Variants in RAB38 observed in about 807,000 individuals in gnomAD.
The protein encoded by RAB38 is ras-related protein Rab-38.
In RAB38, 15 loss-of-function variants were observed where a neutral mutation model predicts 18.4. That is an observed-to-expected ratio of 0.82 (90% CI 0.55 to 1.26). The LOEUF is 1.26. RAB38 is among the 50% of genes most tolerant of loss of function. The pLI, the probability that RAB38 is intolerant of heterozygous loss-of-function variation, is 0.00. For missense variants in RAB38, 294 were observed against 267.4 expected (o/e 1.10, Z -0.69); for synonymous variants, 101 against 104.4 (o/e 0.97, Z 0.20).
At chr11:87,826,309 T>G in the RAB38 span, among the ~76,000 whole-genome samples, 1 of 152,254 alleles carries the variant, frequency 6.6e-6, no homozygotes, top group East Asian at 1.9e-4. Flanking sequence ...TATTTTAGAT[T>G]ATAAGATTAT....
chr11:88,082,651 T>C, the RAB38 span, among the ~76,000 whole-genome samples: 1 of 151,902 alleles, frequency 6.6e-6, no homozygotes, highest in Admixed American at 6.6e-5. Flanking sequence ...CACATCTCCA[T>C]TCATCAGAAA....
At chr11:88,129,927 G>C (rs1942746362) in intron 2 of RAB38, among the ~76,000 whole-genome samples, 1 of 151,276 alleles carries the variant, frequency 6.6e-6, no homozygotes, top group East Asian at 2.0e-4. Context: ...CATATTCAAA[G>C]GTGTGGAACA....
chr11:88,140,716 C>T (rs1386585685), intron 2 of RAB38, among the ~76,000 whole-genome samples: 2 of 152,044 alleles, frequency 1.3e-5, no homozygotes, highest in Non-Finnish European at 2.9e-5. Context: ...CAGTTTAACA[C>T]AACCATGGAA....
the RAB38 span, chr11:87,815,597 G>A: frequency 6.6e-6 from 1 of 152,198 alleles, no homozygotes; most frequent in Admixed American, 6.5e-5. Flanking sequence ...TGATGATGAA[G>A]GGTAAAATGA....
chr11:87,832,730 C>T, the RAB38 span, among the ~76,000 whole-genome samples: 2 of 152,064 alleles, frequency 1.3e-5, no homozygotes, highest in Admixed American at 6.6e-5. Flanking sequence ...GGAGAGTGTA[C>T]TCTCCTTTTA....
the RAB38 span, among the ~76,000 whole-genome samples, chr11:87,948,881 T>A: frequency 6.6e-6 from 1 of 151,678 alleles, no homozygotes; most frequent in Non-Finnish European, 1.5e-5. Flanking sequence ...CCGGCTTTGG[T>A]ATCAGGATGA....
intron 1 of RAB38, among the ~76,000 whole-genome samples, chr11:88,162,600 T>C (rs1943199232): frequency 7.0e-6 from 1 of 143,708 alleles, no homozygotes; most frequent in African/African-American, 2.6e-5. Context: ...TCTCATTCAT[T>C]CATTTAACAA....
At chr11:88,116,402 G>A (rs1445009207) in intron 2 of RAB38, among the ~76,000 whole-genome samples, 2 of 152,184 alleles carry the variant, frequency 1.3e-5, no homozygotes, top group Non-Finnish European at 1.5e-5. Flanking sequence ...TTTGGCTATT[G>A]TTTGTGTGTT....
the RAB38 span, among the ~76,000 whole-genome samples, chr11:87,965,676 G>T: frequency 1.3e-5 from 2 of 152,142 alleles, no homozygotes; most frequent in African/African-American, 2.4e-5. Flanking sequence ...GTGGTTTGGG[G>T]CAAAACACAT....
chr11:87,910,386 A>G, the RAB38 span, among the ~76,000 whole-genome samples: 6 of 151,230 alleles, frequency 4.0e-5, no homozygotes, highest in African/African-American at 7.4e-5. Context: ...ATATGACTTG[A>G]AAATAGTTTT....
the RAB38 span, among the ~76,000 whole-genome samples, chr11:87,899,809 G>A: frequency 2.0e-5 from 3 of 151,598 alleles, no homozygotes; most frequent in African/African-American, 7.3e-5. Context: ...AGAAGTCATG[G>A]AATTACCTGG....
At chr11:88,037,213 G>A in the RAB38 span, among the ~76,000 whole-genome samples, 1 of 151,814 alleles carries the variant, frequency 6.6e-6, no homozygotes, top group African/African-American at 2.4e-5. Context: ...TTTTTGCATA[G>A]GATTTCAAAT....
the RAB38 span, among the ~76,000 whole-genome samples, chr11:88,087,516 C>CA: frequency 6.6e-6 from 1 of 151,842 alleles, no homozygotes; most frequent in African/African-American, 2.4e-5. Flanking sequence ...TGTCAGACAA[C>CA]AATCTTTTAT....
At chr11:87,821,009 A>G in the RAB38 span, among the ~76,000 whole-genome samples, 1 of 152,284 alleles carries the variant, frequency 6.6e-6, no homozygotes, top group Admixed American at 6.5e-5. Flanking sequence ...GAGTAAGACA[A>G]TCCAACATAC....
At chr11:87,823,808 C>T in the RAB38 span, among the ~76,000 whole-genome samples, 5 of 151,874 alleles carry the variant, frequency 3.3e-5, no homozygotes, top group African/African-American at 1.2e-4. Flanking sequence ...GAATACTATT[C>T]AGCAATAAAA....
chr11:87,857,229 C>T, the RAB38 span, among the ~76,000 whole-genome samples: 16 of 152,128 alleles, frequency 1.1e-4, no homozygotes, highest in African/African-American at 3.9e-4. Flanking sequence ...TTCTGTGATG[C>T]ATATATGCCA....
chr11:87,926,866 AG>A, the RAB38 span, among the ~76,000 whole-genome samples: 1 of 152,036 alleles, frequency 6.6e-6, no homozygotes, highest in African/African-American at 2.4e-5. Flanking sequence ...CCAATTTCCC[AG>A]GAAACCCTGG....
chr11:88,027,936 C>G, the RAB38 span, among the ~76,000 whole-genome samples: 1 of 152,162 alleles, frequency 6.6e-6, no homozygotes, highest in Admixed American at 6.5e-5. Context: ...CAAGTGGGTC[C>G]CTGACCCATG....
chr11:87,914,369 G>A, the RAB38 span, among the ~76,000 whole-genome samples: 1 of 152,084 alleles, frequency 6.6e-6, no homozygotes, highest in Admixed American at 6.6e-5. Context: ...TGGCTGCCTT[G>A]TGTTCACGCT....
Sources: allele counts gnomAD v4.1 joint callset (sites outside exome capture counted in the v4.1 genomes callset), GRCh38; gene constraint gnomAD v4.1.1; transcripts MANE v1.5; gene names NCBI Gene and HGNC (gene_info 2026-07-23, HGNC 2026-07-21).